Variants in HSPA4 observed in about 807,000 individuals in gnomAD.
The protein encoded by HSPA4 is heat shock protein family A (Hsp70) member 4, also known as heat shock 70 kDa protein 4.
Under a neutral mutation model 106.2 loss-of-function variants are expected in HSPA4, and 25 were observed. That is an observed-to-expected ratio of 0.24 (90% CI 0.17 to 0.33). HSPA4 has a LOEUF of 0.33. HSPA4 is among the 10% of genes least tolerant of loss of function. The pLI, the probability that HSPA4 is intolerant of heterozygous loss-of-function variation, is 1.00. For synonymous variants in HSPA4, 332 were observed against 333.6 expected (o/e 1.00, Z 0.05); for missense variants, 841 against 996.0 (o/e 0.84, Z 2.10).
intron 1 of HSPA4, among the ~76,000 whole-genome samples, chr5:133,058,304 G>C (rs973166343): frequency 6.6e-6 from 1 of 151,990 alleles, no homozygotes; most frequent in Non-Finnish European, 1.5e-5. Flanking sequence ...ATCACTTGAG[G>C]TTAGTGATCA....
chr5:133,070,162 G>T lies in HSPA4; in HGVS notation c.307-212G>T, dbSNP rs545772920. On this transcript the variant is annotated intron_variant, in intron 3 of 18. Coordinates refer to ENST00000304858, the MANE Select transcript of HSPA4 (RefSeq NM_002154.4). Reference sequence around the variant, plus strand: ...AGAGAGAGAGAATGACAGAGAGAGAGACCCTGCCTCCAAAATAATAATAAT... The same window carrying T: ...AGAGAGAGAGAATGACAGAGAGAGATACCCTGCCTCCAAAATAATAATAAT... Among the ~76,000 whole-genome samples the T allele has an allele frequency of 5.3e-5, 8 of 151,656 alleles. No individual in the cohort carries two copies. The East Asian group carries it at 1.6e-3, about 29-fold the overall frequency.
chr5:133,097,023 C>A, intron 14 of HSPA4, 138 bp from the exon 15 acceptor site: 2 of 553,180 alleles, frequency 3.6e-6, no homozygotes, highest in Non-Finnish European at 6.1e-6. Context: ...GATTAGTCTT[C>A]CCACTTACCT....
At chr5:133,084,547 T>C (rs1217599404) in intron 7 of HSPA4, among the ~76,000 whole-genome samples, 1 of 152,148 alleles carries the variant, frequency 6.6e-6, no homozygotes, top group Non-Finnish European at 1.5e-5. Flanking sequence ...CTCGGCTCAC[T>C]GCAACCTCTG....
At chr5:133,100,009 A>G (rs1765764605) in intron 16 of HSPA4, among the ~76,000 whole-genome samples, 1 of 152,100 alleles carries the variant, frequency 6.6e-6, no homozygotes, top group African/African-American at 2.4e-5. Context: ...TCTTGATAAA[A>G]GCAAAGCATC....
intron 6 of HSPA4, among the ~76,000 whole-genome samples, 165 bp from the exon 7 acceptor site, chr5:133,076,487 TAC>T (rs1045685810): frequency 2.6e-5 from 4 of 152,220 alleles, no homozygotes; most frequent in Non-Finnish European, 4.4e-5. Flanking sequence ...TGCCTATTTT[TAC>T]AGTGTGGGGT....
intron 5 of HSPA4, among the ~76,000 whole-genome samples, chr5:133,073,646 A>C (rs921965285): frequency 2.0e-5 from 3 of 152,216 alleles, no homozygotes; most frequent in Non-Finnish European, 4.4e-5. Context: ...AGTCAGAGGA[A>C]TGGGACATTA....
Position 133,089,543 on chromosome 5 carries a change from G to A in HSPA4, c.1245-19G>A. The A allele has an allele frequency of 6.2e-7, 1 of 1,609,644 alleles. No homozygotes were observed. The highest frequency in any genetic ancestry group is 8.5e-7 in the Non-Finnish European group (1 of 1,177,510). On this transcript the variant is annotated intron_variant, in intron 10 of 18. Coordinates refer to ENST00000304858, the MANE Select transcript of HSPA4 (RefSeq NM_002154.4). ...AGGAATATCCTGAATTTGTGTTTTT[G>A]TCTTTTTCCTCCATTCAGTGACTGT...
At chr5:133,069,345 G>A (rs889841559) in intron 3 of HSPA4, among the ~76,000 whole-genome samples, 2 of 151,958 alleles carry the variant, frequency 1.3e-5, no homozygotes, top group Non-Finnish European at 2.9e-5. Flanking sequence ...TGCCTCCTGG[G>A]TTCAAGCAAT....
intron 7 of HSPA4, among the ~76,000 whole-genome samples, chr5:133,079,158 A>G (rs1765484777): frequency 6.6e-6 from 1 of 152,232 alleles, no homozygotes; most frequent in Admixed American, 6.5e-5. Context: ...CAAGTATCAT[A>G]AAATTAAGCA....
chr5:133,066,991 C>A (rs1462019053), intron 2 of HSPA4, among the ~76,000 whole-genome samples: 1 of 152,094 alleles, frequency 6.6e-6, no homozygotes, highest in Non-Finnish European at 1.5e-5. Flanking sequence ...GGATTACAGG[C>A]GTGAGCCATG....
intron 7 of HSPA4, among the ~76,000 whole-genome samples, chr5:133,079,954 A>G (rs1765493384): frequency 6.6e-6 from 1 of 152,202 alleles, no homozygotes; most frequent in Non-Finnish European, 1.5e-5. Context: ...CTTTAGCTGG[A>G]TAGAACATTC....
At chr5:133,082,211 G>A (rs982953538) in intron 7 of HSPA4, among the ~76,000 whole-genome samples, 6 of 152,138 alleles carry the variant, frequency 3.9e-5, no homozygotes, top group African/African-American at 9.7e-5. Flanking sequence ...GAAATGCCCC[G>A]AATTGGCAAA....
intron 4 of HSPA4, among the ~76,000 whole-genome samples, chr5:133,070,756 G>T (rs1407571215): frequency 6.6e-6 from 1 of 152,086 alleles, no homozygotes; most frequent in Admixed American, 6.6e-5. Context: ...ACAAAAATTA[G>T]TTGGGCGTGG....
In HSPA4 at chr5:133,106,101, AATTTTTTTTTTTTT is replaced by A. The variant is rs1561589082; in HGVS notation, c.*1666_*1679del. The stretch of plus-strand genomic sequence containing the variant: ...GGCCATTTCTTCTTAAAAAAAAAAA[AATTTTTTTTTTTTT>A]TTTTTTTTTTTTTTTTTTTTTTTTT... On this transcript the variant is annotated 3_prime_UTR_variant, in exon 19 of 19. Coordinates refer to ENST00000304858, the MANE Select transcript of HSPA4 (RefSeq NM_002154.4). 0.027 allele frequency: 2,130 copies of A among 80,140 alleles called. 246 individuals are homozygous for A. Among genetic ancestry groups the A allele is most frequent in the East Asian group, 0.2 (632 of 3,108 alleles). The allele number at this position is 80,140 out of a possible 1,614,324, so 5.0% of individuals were successfully genotyped here. A position where few individuals can be genotyped will look rare whatever the true frequency, so the allele number is the denominator to read the frequency against.
chr5:133,077,722 A>G (rs1044359222), intron 7 of HSPA4, among the ~76,000 whole-genome samples: 1 of 152,158 alleles, frequency 6.6e-6, no homozygotes, highest in Non-Finnish European at 1.5e-5. Context: ...TGTGAACTCT[A>G]CTGGTAGAAT....
intron 13 of HSPA4, among the ~76,000 whole-genome samples, chr5:133,095,059 C>A (rs1450605275): frequency 2.0e-5 from 3 of 152,112 alleles, no homozygotes; most frequent in Non-Finnish European, 4.4e-5. Flanking sequence ...CACCTGTAAT[C>A]CAGCACTTTG....
At chr5:133,079,417 T>G (rs984680810) in intron 7 of HSPA4, among the ~76,000 whole-genome samples, 5 of 152,262 alleles carry the variant, frequency 3.3e-5, no homozygotes, top group Non-Finnish European at 5.9e-5. Flanking sequence ...TCTTTCGTTC[T>G]GACTTCTCAG....
intron 9 of HSPA4, 43 bp downstream of exon 9, chr5:133,088,598 G>T (rs541329946): frequency 6.5e-7 from 1 of 1,537,326 alleles, no homozygotes; most frequent in East Asian, 2.2e-5. Flanking sequence ...ATAAATCATT[G>T]TAACAAGATG....
At chr5:133,081,106 G>A (rs1765509280) in intron 7 of HSPA4, among the ~76,000 whole-genome samples, 1 of 151,972 alleles carries the variant, frequency 6.6e-6, no homozygotes. Flanking sequence ...GGAGTGCAGT[G>A]GTATGATCTT....
Sources: allele counts gnomAD v4.1 joint callset (sites outside exome capture counted in the v4.1 genomes callset), GRCh38; gene constraint gnomAD v4.1.1; transcripts MANE v1.5; gene names NCBI Gene and HGNC (gene_info 2026-07-23, HGNC 2026-07-21).